The following TASP1 variants were observed in gnomAD, a reference collection of about 807,000 sequenced individuals.
The protein encoded by TASP1 is threonine aspartase 1.
A neutral mutation model predicts 56.6 loss-of-function variants in TASP1; 16 were observed. The ratio of observed to expected loss-of-function variants is 0.28; its 90% CI spans 0.19 to 0.43. TASP1 has a LOEUF of 0.43. Among genes scored for constraint, TASP1 ranks in the 20% least tolerant of loss-of-function variants. The pLI is 1.00. For missense variants in TASP1, 393 were observed against 511.6 expected, an observed-to-expected ratio of 0.77 and a Z score of 2.24; for synonymous variants, 179 against 184.2, an observed-to-expected ratio of 0.97 and a Z score of 0.23.
chr20:13,395,693 C>CTTTT (rs71188158), intron 13 of TASP1, among the ~76,000 whole-genome samples: 43 of 136,402 alleles, frequency 3.2e-4, no homozygotes, highest in African/African-American at 7.1e-4. Context: ...CCTCAGCTTT[C>CTTTT]TTTTTTTTTT....
intron 12 of TASP1, among the ~76,000 whole-genome samples, chr20:13,434,080 A>T (rs2042919996): frequency 6.6e-6 from 1 of 152,146 alleles, no homozygotes; most frequent in South Asian, 2.1e-4. Context: ...ATACTGTTTA[A>T]CTTTGGAGGG....
chr20:13,407,265 A>G (rs538739986), intron 13 of TASP1, among the ~76,000 whole-genome samples: 2 of 152,284 alleles, frequency 1.3e-5, no homozygotes, highest in South Asian at 4.1e-4. Flanking sequence ...CTCTACCACT[A>G]ATCTACCTTA....
chr20:13,585,381 A>G (rs1394018407), intron 5 of TASP1, among the ~76,000 whole-genome samples: 7 of 152,212 alleles, frequency 4.6e-5, no homozygotes, highest in Admixed American at 3.3e-4. Context: ...CTATTCATCA[A>G]AAAACACCAT....
At chr20:13,327,072 C>T in the TASP1 span, among the ~76,000 whole-genome samples, 2 of 152,184 alleles carry the variant, frequency 1.3e-5, no homozygotes, top group African/African-American at 4.8e-5. Context: ...CCCATTATCT[C>T]AGCCCAAAAG....
rs141707099 is a variant in TASP1, at chr20:13,637,688, T to C, written c.-75+1206A>G. On this transcript the variant is annotated intron_variant, in intron 1 of 13. Transcript: ENST00000337743. Reference sequence around the variant, plus strand: ...TGAAATGCCAGTATAGGAAAATCCATAGATACAGAAAGTAGATTAGTGGTT... The same window carrying C: ...TGAAATGCCAGTATAGGAAAATCCACAGATACAGAAAGTAGATTAGTGGTT... 3.1e-4 allele frequency among the ~76,000 whole-genome samples: 47 copies of C among 152,254 alleles called. No homozygotes were observed. The East Asian group carries it at 4.4e-3, about 14-fold the overall frequency.
At chr20:13,232,332 C>A in the TASP1 span, among the ~76,000 whole-genome samples, 3 of 152,194 alleles carry the variant, frequency 2.0e-5, 1 homozygote. Context: ...TCCAAGCAAC[C>A]ACTGATCTGC....
At chr20:13,443,462 T>C (rs961822433) in intron 11 of TASP1, among the ~76,000 whole-genome samples, 2 of 152,136 alleles carry the variant, frequency 1.3e-5, no homozygotes, top group Admixed American at 1.3e-4. Context: ...ACAAGTGGAT[T>C]AGTAAAGAAG....
the TASP1 span, among the ~76,000 whole-genome samples, chr20:13,219,192 T>C: frequency 2.6e-5 from 4 of 152,204 alleles, no homozygotes; most frequent in Non-Finnish European, 4.4e-5. Flanking sequence ...AGGAAAGTCA[T>C]TTGTTCCTGC....
the TASP1 span, among the ~76,000 whole-genome samples, chr20:13,198,866 C>T: frequency 6.9e-6 from 1 of 144,300 alleles, no homozygotes. Flanking sequence ...TTCCTTCCTT[C>T]CTTCCTTCTT....
At chr20:13,452,779 T>C (rs920627800) in intron 11 of TASP1, among the ~76,000 whole-genome samples, 2 of 151,506 alleles carry the variant, frequency 1.3e-5, no homozygotes, top group Admixed American at 1.3e-4. Flanking sequence ...GGATAATGGG[T>C]TGAACTTGGT....
At chr20:13,311,987 C>T in the TASP1 span, among the ~76,000 whole-genome samples, 1 of 152,046 alleles carries the variant, frequency 6.6e-6, no homozygotes, top group Non-Finnish European at 1.5e-5. Flanking sequence ...GCTTAATTTT[C>T]CCACAATGTA....
At chr20:13,564,605 A>T in intron 7 of TASP1, among the ~76,000 whole-genome samples, 1 of 151,752 alleles carries the variant, frequency 6.6e-6, no homozygotes, top group African/African-American at 2.4e-5. Context: ...ATTCATGTAC[A>T]ATCTAAAGGG....
chr20:13,581,381 C>G (rs527285306), intron 5 of TASP1, among the ~76,000 whole-genome samples: 1 of 152,118 alleles, frequency 6.6e-6, no homozygotes, highest in South Asian at 2.1e-4. Flanking sequence ...ACCACAAAAC[C>G]ATAAATTCCT....
intron 10 of TASP1, 36 bp from the exon 11 acceptor site, chr20:13,483,373 C>G: frequency 6.9e-7 from 1 of 1,445,200 alleles, no homozygotes; most frequent in East Asian, 2.5e-5. Context: ...TGAGGAAAAG[C>G]AGCACCGAAC....
intron 11 of TASP1, among the ~76,000 whole-genome samples, chr20:13,439,097 G>C (rs947441812): frequency 6.6e-6 from 1 of 152,178 alleles, no homozygotes; most frequent in Non-Finnish European, 1.5e-5. Flanking sequence ...AGTCAGTGTG[G>C]CGATTCCTCA....
intron 8 of TASP1, among the ~76,000 whole-genome samples, chr20:13,550,244 G>A (rs1300325372): frequency 6.6e-6 from 1 of 150,960 alleles, no homozygotes; most frequent in Non-Finnish European, 1.5e-5. Context: ...AGATATTGAT[G>A]ATTGGCATAA....
At chr20:13,300,180 T>C in the TASP1 span, 1 of 152,160 alleles carries the variant, frequency 6.6e-6, no homozygotes, top group Non-Finnish European at 1.5e-5. Context: ...AGATCAATAT[T>C]ATCATAATGC....
At chr20:13,153,054 A>T in the TASP1 span, among the ~76,000 whole-genome samples, 1 of 152,222 alleles carries the variant, frequency 6.6e-6, no homozygotes, top group Non-Finnish European at 1.5e-5. Context: ...GTAGTGGCAC[A>T]TTCCTGCCGA....
intron 11 of TASP1, among the ~76,000 whole-genome samples, chr20:13,480,514 G>T (rs2043101531): frequency 6.6e-6 from 1 of 152,152 alleles, no homozygotes; most frequent in South Asian, 2.1e-4. Flanking sequence ...CTTTCCACGA[G>T]TCTGGAATTT....
Sources: allele counts gnomAD v4.1 joint callset (sites outside exome capture counted in the v4.1 genomes callset), GRCh38; gene constraint gnomAD v4.1.1; transcripts MANE v1.5; gene names NCBI Gene and HGNC (gene_info 2026-07-23, HGNC 2026-07-21).